Variants in MEOX2 observed in about 807,000 individuals in gnomAD.
The protein encoded by MEOX2 is mesenchyme homeobox 2.
MEOX2 carries 11 observed loss-of-function variants against 27.0 expected under a neutral mutation model. The ratio of observed to expected loss-of-function variants is 0.41; its 90% confidence interval spans 0.26 to 0.68. The LOEUF is 0.68. Ranked by LOEUF, MEOX2 falls within the 30% of genes least tolerant of loss-of-function variation. The probability of loss-of-function intolerance (pLI) is 0.33; values close to 1 mark genes in which losing one functional copy is unlikely to be tolerated. For missense variants in MEOX2, 436 were observed against 385.4 expected (o/e 1.13, Z -1.10); for synonymous variants, 189 against 155.4 (o/e 1.22, Z -1.61).
At chr7:15,667,866 A>G (rs1444798928) in intron 1 of MEOX2, 4 of 152,232 alleles carry the variant, frequency 2.6e-5, no homozygotes, top group African/African-American at 9.6e-5. Context: ...TAGCTCAGCT[A>G]CTTAATGAGG....
At chr7:15,667,201 G>A (rs951678201) in intron 1 of MEOX2, among the ~76,000 whole-genome samples, 4 of 145,662 alleles carry the variant, frequency 2.7e-5, no homozygotes, top group Admixed American at 7.1e-5. Flanking sequence ...TGAGGCAAGA[G>A]GATTGGTTGA....
At chr7:15,631,799 A>T (rs1365518786) in intron 1 of MEOX2, among the ~76,000 whole-genome samples, 1 of 151,712 alleles carries the variant, frequency 6.6e-6, no homozygotes, top group Non-Finnish European at 1.5e-5. Context: ...TATATTTTAC[A>T]TATTATTTTA....
At chr7:15,658,600 C>T (rs528981164) in intron 1 of MEOX2, among the ~76,000 whole-genome samples, 7 of 152,210 alleles carry the variant, frequency 4.6e-5, no homozygotes, top group South Asian at 2.1e-4. Flanking sequence ...TGTATCTTCC[C>T]CCAGTACGTA....
intron 1 of MEOX2, among the ~76,000 whole-genome samples, chr7:15,631,188 C>T (rs1025809731): frequency 5.9e-5 from 9 of 151,618 alleles, no homozygotes; most frequent in African/African-American, 1.9e-4. Flanking sequence ...AAAGGAATTT[C>T]CATCGAGTTA....
intron 1 of MEOX2, among the ~76,000 whole-genome samples, chr7:15,670,483 T>G (rs544858503): frequency 6.6e-6 from 1 of 152,312 alleles, no homozygotes; most frequent in Admixed American, 6.5e-5. Flanking sequence ...TAAGAAAATT[T>G]GTCTCGTTGT....
chr7:15,626,846 T>A lies in MEOX2; in HGVS notation c.590A>T (p.Glu197Val). 1 of 1,612,038 alleles carries A rather than the reference T, an allele frequency of 6.2e-7. No homozygotes were observed. The highest frequency in any genetic ancestry group is 8.5e-7 in the Non-Finnish European group (1 of 1,179,348). ...PRKERTAFTK[E>V]QIRELEAEFA... ...TTCTGCTTCAAGTTCTCTGATTTGC[T>A]CTTTGGTAAATGCTGTCCTTTCTTT... Residue 197 changes from glutamate to valine, a missense_variant, in exon 2 of 3, where the codon GAG (glutamate) becomes GTG (valine). By Grantham distance (121) the Glu-to-Val change is moderately radical. Coordinates refer to ENST00000262041, the MANE Select transcript of MEOX2 (RefSeq NM_005924.5).
At chr7:15,624,949 T>C (rs1296552708) in intron 2 of MEOX2, among the ~76,000 whole-genome samples, 1 of 152,178 alleles carries the variant, frequency 6.6e-6, no homozygotes, top group Non-Finnish European at 1.5e-5. Context: ...CTTCAACGTT[T>C]TCAAACCAGA....
At chr7:15,631,497 T>TCATATATAA (rs1162687395) in intron 1 of MEOX2, among the ~76,000 whole-genome samples, 3 of 151,936 alleles carry the variant, frequency 2.0e-5, no homozygotes, top group Non-Finnish European at 4.4e-5. Context: ...GCATTTAAGT[T>TCATATATAA]CATATATAAT....
chr7:15,617,880 A>G (rs950953080), intron 2 of MEOX2, among the ~76,000 whole-genome samples: 1 of 152,082 alleles, frequency 6.6e-6, no homozygotes, highest in African/African-American at 2.4e-5. Flanking sequence ...AAAATTACAC[A>G]TTTCATATGT....
chr7:15,623,014 C>G (rs991242818), intron 2 of MEOX2, among the ~76,000 whole-genome samples: 123 of 152,288 alleles, frequency 8.1e-4, no homozygotes, highest in African/African-American at 2.8e-3. Flanking sequence ...TCTTGGACTT[C>G]CCATCCTCCA....
intron 1 of MEOX2, among the ~76,000 whole-genome samples, chr7:15,655,180 G>A (rs1781798879): frequency 6.6e-6 from 1 of 151,486 alleles, no homozygotes; most frequent in Admixed American, 6.6e-5. Context: ...ATTAATCATG[G>A]TATTTTCTTT....
chr7:15,683,990 A>G (rs1431927392), intron 1 of MEOX2, among the ~76,000 whole-genome samples: 2 of 152,188 alleles, frequency 1.3e-5, no homozygotes, highest in African/African-American at 4.8e-5. Context: ...GGAGAGATAA[A>G]TTAGTTTTGT....
rs139493604 is a variant in MEOX2 at position 15,622,114 on chromosome 7, C to T, written c.690+4632G>A. ...CCTTGGTGACAGAGCGAGACTCTGT[C>T]TCAAAAAACAAACACACAAACAAAA... On this transcript the variant is annotated intron_variant, in intron 2 of 2. Coordinates refer to ENST00000262041, the MANE Select transcript of MEOX2 (RefSeq NM_005924.5). Among the ~76,000 whole-genome samples, 381 of 152,174 alleles carry T rather than the reference C, an allele frequency of 2.5e-3. 5 individuals are homozygous for T. Among genetic ancestry groups the T allele is most frequent in the African/African-American group, 8.7e-3 (363 of 41,518 alleles).
intron 2 of MEOX2, among the ~76,000 whole-genome samples, chr7:15,615,147 T>C (rs1217641380): frequency 6.7e-6 from 1 of 150,104 alleles, no homozygotes; most frequent in East Asian, 2.0e-4. Flanking sequence ...ATTATATACC[T>C]ATGTAGGGAT....
At chr7:15,643,111 G>A (rs1781588556) in intron 1 of MEOX2, among the ~76,000 whole-genome samples, 1 of 152,188 alleles carries the variant, frequency 6.6e-6, no homozygotes, top group Non-Finnish European at 1.5e-5. Flanking sequence ...AGCCAGTTGA[G>A]TTCCCTACAA....
At chr7:15,634,770 T>A (rs1347361329) in intron 1 of MEOX2, among the ~76,000 whole-genome samples, 2 of 151,986 alleles carry the variant, frequency 1.3e-5, no homozygotes, top group South Asian at 2.1e-4. Context: ...TCCAAGCCAA[T>A]GACGAGATTA....
intron 2 of MEOX2, among the ~76,000 whole-genome samples, chr7:15,619,358 T>A (rs1583739434): frequency 6.6e-6 from 1 of 152,020 alleles, no homozygotes. Flanking sequence ...GATGCTGTGA[T>A]GTAATGTATG....
chr7:15,630,199 C>G (rs903849520), intron 1 of MEOX2, among the ~76,000 whole-genome samples: 1 of 152,002 alleles, frequency 6.6e-6, no homozygotes, highest in Admixed American at 6.6e-5. Flanking sequence ...GTTGGCAGTC[C>G]CAGTTCCCTA....
intron 2 of MEOX2, among the ~76,000 whole-genome samples, chr7:15,625,826 T>C (rs1781293764): frequency 6.6e-6 from 1 of 152,124 alleles, no homozygotes; most frequent in Non-Finnish European, 1.5e-5. Flanking sequence ...AACAAATCAT[T>C]TGTCATTCAA....
Sources: gnomAD v4.1 joint callset for allele counts (sites outside exome capture counted in the v4.1 genomes callset) on GRCh38, gnomAD v4.1.1 for gene constraint, MANE v1.5 for transcripts, NCBI Gene and HGNC (gene_info 2026-07-23, HGNC 2026-07-21) for gene names.